PKP4: variants seen among roughly 807,000 people sequenced by gnomAD.
PKP4 encodes the protein plakophilin-4.
A neutral mutation model predicts 145.1 loss-of-function variants in PKP4; 90 were observed. The ratio of observed to expected loss-of-function variants is 0.62; its 90% CI spans 0.52 to 0.74. PKP4 has a LOEUF of 0.74. Among genes scored for constraint, PKP4 ranks in the 30% least tolerant of loss-of-function variants. The probability of loss-of-function intolerance (pLI) is 0.00; values close to 1 mark genes in which losing one functional copy is unlikely to be tolerated. For missense variants in PKP4, 1,340 were observed against 1,482.7 expected (o/e 0.90, Z 1.58); for synonymous variants, 563 against 577.2 (o/e 0.98, Z 0.35).
At position 158,533,259 on chromosome 2, in the gene PKP4, C is replaced by G. The variant is rs2043734606; in HGVS notation, c.75C>G (p.Gly25=). ...CCCGCCAGGAAGCTGCCTCCACTGG[C>G]CCAGGCATGGAACCCGAGACCACAG... ...PQTRQEAAST[G]PGMEPETTAT... Residue 25 remains glycine, a synonymous_variant, in exon 2 of 22, where the codon GGC becomes GGG. Coordinates refer to ENST00000389759, the MANE Select transcript of PKP4 (RefSeq NM_003628.6). The G allele has an allele frequency of 6.2e-7, 1 of 1,614,046 alleles. No homozygotes were observed. The highest frequency in any genetic ancestry group is 8.5e-7 in the Non-Finnish European group (1 of 1,179,986).
rs143922575 is a variant in PKP4, at chr2:158,639,219, T to A, written c.1563-1408T>A. ...GTTATTGGTATTAAGACTAAACTTT[T>A]TAGTTTGGCAGAGAAGACCCTGTAA... On this transcript the variant is annotated intron_variant, in intron 9 of 21. Coordinates refer to ENST00000389759, the MANE Select transcript of PKP4 (RefSeq NM_003628.6). 1.8e-3 allele frequency among the ~76,000 whole-genome samples: 269 copies of A among 152,338 alleles called. 1 individual carries two copies. Among genetic ancestry groups the A allele is most frequent in the Non-Finnish European group, 1.9e-3 (132 of 68,020 alleles).
At chr2:158,523,638 CTT>C (rs1186838872) in intron 1 of PKP4, among the ~76,000 whole-genome samples, 4 of 132,368 alleles carry the variant, frequency 3.0e-5, no homozygotes, top group African/African-American at 1.2e-4. Flanking sequence ...TGGAGAATGA[CTT>C]TGACGAGCTG....
At chr2:158,491,402 T>G (rs1468700328) in intron 1 of PKP4, among the ~76,000 whole-genome samples, 2 of 152,180 alleles carry the variant, frequency 1.3e-5, no homozygotes, top group Non-Finnish European at 2.9e-5. Context: ...TGGTTCAGTC[T>G]GCCAGGTGTA....
intron 2 of PKP4, among the ~76,000 whole-genome samples, chr2:158,547,490 G>A (rs1465914466): frequency 6.6e-6 from 1 of 152,174 alleles, no homozygotes; most frequent in African/African-American, 2.4e-5. Context: ...GCAAGTCCAT[G>A]ATTGCTGGGG....
At chr2:158,506,514 GAT>G (rs2105511905) in intron 1 of PKP4, among the ~76,000 whole-genome samples, 1 of 152,274 alleles carries the variant, frequency 6.6e-6, no homozygotes, top group African/African-American at 2.4e-5. Context: ...AAAATGTTTA[GAT>G]ATGTGTCAAA....
At chr2:158,600,836 T>G (rs961223513) in intron 3 of PKP4, among the ~76,000 whole-genome samples, 3 of 152,224 alleles carry the variant, frequency 2.0e-5, no homozygotes, top group Non-Finnish European at 2.9e-5. Flanking sequence ...ATGATTTATA[T>G]ATGGTACCTT....
At chr2:158,652,327 A>G (rs2055443909) in intron 11 of PKP4, among the ~76,000 whole-genome samples, 1 of 152,144 alleles carries the variant, frequency 6.6e-6, no homozygotes, top group Non-Finnish European at 1.5e-5. Context: ...GGGTAGAGGT[A>G]ACGTAAATGT....
chr2:158,591,507 TG>T (rs944468442), intron 3 of PKP4, among the ~76,000 whole-genome samples: 13 of 152,080 alleles, frequency 8.5e-5, no homozygotes, highest in African/African-American at 2.9e-4. Context: ...TTGTTGAAGC[TG>T]GGTAATAAAT....
At chr2:158,652,338 C>G (rs1450628971) in intron 11 of PKP4, among the ~76,000 whole-genome samples, 2 of 152,018 alleles carry the variant, frequency 1.3e-5, no homozygotes, top group Non-Finnish European at 2.9e-5. Context: ...ACGTAAATGT[C>G]AAAGGTATGA....
At position 158,603,081 on chromosome 2, in the gene PKP4, A is replaced by G. The variant is rs144452632; in HGVS notation, c.257A>G (p.Lys86Arg). Residue 86 changes from lysine to arginine, a missense_variant, in exon 4 of 22, where the codon AAG becomes AGG. Transcript: ENST00000389759. ...PSIASTSSTEKSFPWRSTDVP... is the reference protein window; with the variant it reads ...PSIASTSSTERSFPWRSTDVP... ...TTCTTTTTCTTTAGCTCAACTGAGA[A>G]GTCATTTCCTTGGAGATCAACAGGT... is the stretch of plus-strand genomic sequence containing the variant. 2.7e-5 allele frequency: 41 copies of G among 1,491,196 alleles called. No homozygotes were observed. The highest frequency in any genetic ancestry group is 3.6e-5 in the Non-Finnish European group (40 of 1,100,954). 92.4% of individuals were successfully genotyped at this position (1,491,196 alleles called of 1,614,324 possible). A position where few individuals can be genotyped will look rare whatever the true frequency, so the allele number is the denominator to read the frequency against.
intron 1 of PKP4, among the ~76,000 whole-genome samples, chr2:158,502,826 G>C (rs1373518823): frequency 6.6e-6 from 1 of 152,198 alleles, no homozygotes; most frequent in African/African-American, 2.4e-5. Flanking sequence ...GTTAGAGATG[G>C]TTTTTGTAAG....
In PKP4 at chr2:158,677,306, T is replaced by A. The variant is rs1352486626; in HGVS notation, c.3256+439T>A. On this transcript the variant is annotated intron_variant, in intron 20 of 21. Coordinates refer to ENST00000389759, the MANE Select transcript of PKP4 (RefSeq NM_003628.6). ...ACCAGAGAATGGAGATCAATTTCAT[T>A]TACATTTTCATGGAGAAGAGTTTGA... 4 of 231,970 alleles carry A rather than the reference T, an allele frequency of 1.7e-5. No homozygotes were observed. The East Asian group carries it at 3.6e-4, about 21-fold the overall frequency. 14.4% of individuals were successfully genotyped at this position (231,970 alleles called of 1,614,324 possible).
chr2:158,494,075 A>G (rs1263697578), intron 1 of PKP4, among the ~76,000 whole-genome samples: 1 of 152,194 alleles, frequency 6.6e-6, no homozygotes, highest in Non-Finnish European at 1.5e-5. Flanking sequence ...CTTTTTTAAT[A>G]CAGTTTAGGA....
chr2:158,504,685 A>C (rs1351062682), intron 1 of PKP4, among the ~76,000 whole-genome samples: 1 of 149,018 alleles, frequency 6.7e-6, no homozygotes, highest in Non-Finnish European at 1.5e-5. Context: ...TAAAAAAAAA[A>C]CCAACTTTAT....
intron 10 of PKP4, among the ~76,000 whole-genome samples, chr2:158,641,915 T>C (rs908084354): frequency 1.3e-5 from 2 of 152,200 alleles, no homozygotes; most frequent in African/African-American, 4.8e-5. Context: ...GGAGGAGGAC[T>C]GTGCTGCCTG....
At chr2:158,640,414 A>G (rs1201895345) in intron 9 of PKP4, among the ~76,000 whole-genome samples, 1 of 152,238 alleles carries the variant, frequency 6.6e-6, no homozygotes, top group Non-Finnish European at 1.5e-5. Context: ...CTTTCTGTGC[A>G]TCTGTGCGTC....
intron 4 of PKP4, among the ~76,000 whole-genome samples, chr2:158,620,561 T>G (rs2052123838): frequency 6.6e-6 from 1 of 152,194 alleles, no homozygotes; most frequent in South Asian, 2.1e-4. Flanking sequence ...TGCTCTACCT[T>G]CAGAGGCTTC....
intron 2 of PKP4, among the ~76,000 whole-genome samples, chr2:158,566,842 A>G (rs1392635472): frequency 6.6e-6 from 1 of 152,246 alleles, no homozygotes; most frequent in Non-Finnish European, 1.5e-5. Flanking sequence ...ACACACACAC[A>G]CAGCACACAT....
intron 19 of PKP4, among the ~76,000 whole-genome samples, chr2:158,674,936 G>A (rs2057877999): frequency 6.6e-6 from 1 of 152,274 alleles, no homozygotes; most frequent in Admixed American, 6.5e-5. Flanking sequence ...ATAATTGGAT[G>A]TCCCCACTTG....
Sources: allele counts gnomAD v4.1 joint callset (sites outside exome capture counted in the v4.1 genomes callset), GRCh38; gene constraint gnomAD v4.1.1; transcripts MANE v1.5; gene names NCBI Gene and HGNC (gene_info 2026-07-23, HGNC 2026-07-21).